KANK1: variants seen among roughly 807,000 people sequenced by gnomAD.
The protein encoded by KANK1 is KN motif and ankyrin repeat domains 1.
A neutral mutation model predicts 106.2 loss-of-function variants in KANK1; 109 were observed. The observed-to-expected ratio is 1.03, with a 90% CI of 0.88 to 1.20. The LOEUF is 1.20. Ranked by LOEUF, KANK1 falls within the 50% of genes most tolerant of loss-of-function variation. The pLI is 0.00. For missense variants in KANK1, 2,399 were observed against 1,710.7 expected (o/e 1.40, Z -7.10); for synonymous variants, 873 against 652.2 (o/e 1.34, Z -5.16).
chr9:567,579 A>C lies in KANK1; in HGVS notation c.-84+62825A>C, dbSNP rs114689128. ...GCAGTTTCACTTCCCTCTTCTAAGT[A>C]CCTTCTGCATTGATTGGAGCCAGCA... On this transcript the variant is annotated intron_variant, in intron 1 of 11. Coordinates refer to ENST00000382297, the MANE Select transcript of KANK1 (RefSeq NM_015158.5). 6.7e-3 allele frequency among the ~76,000 whole-genome samples: 1,014 copies of C among 152,288 alleles called. 12 individuals carry two copies. Among genetic ancestry groups the C allele is most frequent in the African/African-American group, 0.023 (969 of 41,554 alleles).
chr9:576,723 TATTTC>T (rs2135105506), intron 1 of KANK1, among the ~76,000 whole-genome samples: 1 of 152,262 alleles, frequency 6.6e-6, no homozygotes, highest in Non-Finnish European at 1.5e-5. Context: ...ACAGTAATTT[TATTTC>T]AGGTTTGTGG....
intron 1 of KANK1, among the ~76,000 whole-genome samples, chr9:642,142 TA>T (rs1484343208): frequency 6.6e-6 from 1 of 152,198 alleles, no homozygotes; most frequent in African/African-American, 2.4e-5. Flanking sequence ...CTGTGCGGAT[TA>T]AACCAGCTTA....
At chr9:660,391 C>A in intron 1 of KANK1, 1 of 164,762 alleles carries the variant, frequency 6.1e-6, no homozygotes, top group East Asian at 1.7e-4. Flanking sequence ...CCTTTCTGTC[C>A]CTTGTCACAA....
intron 1 of KANK1, chr9:540,696 C>T (rs1177169663): frequency 6.6e-6 from 1 of 152,188 alleles, no homozygotes; most frequent in Non-Finnish European, 1.5e-5. Context: ...AATCTCCTTA[C>T]TTACTATTGG....
chr9:540,516 C>A (rs533545804), intron 1 of KANK1: 1 of 152,292 alleles, frequency 6.6e-6, no homozygotes, highest in South Asian at 2.1e-4. Flanking sequence ...AGTGTCCTTG[C>A]TGGCCTTGCA....
intron 1 of KANK1, among the ~76,000 whole-genome samples, chr9:531,857 TTG>T (rs1490542257): frequency 6.6e-6 from 1 of 152,030 alleles, no homozygotes; most frequent in Non-Finnish European, 1.5e-5. Context: ...TGTGTGTGTG[TTG>T]TGTGTGTGTG....
At chr9:645,925 G>A (rs1839573873) in intron 1 of KANK1, among the ~76,000 whole-genome samples, 1 of 150,920 alleles carries the variant, frequency 6.6e-6, no homozygotes, top group Admixed American at 6.6e-5. Flanking sequence ...TCATGATTTA[G>A]CCACAAAATT....
At chr9:557,710 A>G (rs1052789899) in intron 1 of KANK1, among the ~76,000 whole-genome samples, 8 of 152,210 alleles carry the variant, frequency 5.3e-5, no homozygotes, top group African/African-American at 1.7e-4. Flanking sequence ...CTGAGGCCCC[A>G]AGAACTAAGG....
chr9:508,966 C>T (rs909062430), intron 1 of KANK1, among the ~76,000 whole-genome samples: 5 of 152,154 alleles, frequency 3.3e-5, no homozygotes, highest in African/African-American at 1.2e-4. Context: ...TTTAGAGGTA[C>T]AGTCATGCGG....
intron 1 of KANK1, among the ~76,000 whole-genome samples, chr9:595,182 G>A (rs1053662284): frequency 6.6e-6 from 1 of 151,866 alleles, no homozygotes; most frequent in African/African-American, 2.4e-5. Context: ...AGGAAGCTAA[G>A]GCCAGCAGAT....
chr9:742,166 A>T (rs1835764511), intron 9 of KANK1, 39 bp from the exon 10 acceptor site: 1 of 1,573,494 alleles, frequency 6.4e-7, no homozygotes, highest in Non-Finnish European at 8.7e-7. Context: ...CTGCCAGCTC[A>T]GTACGTACTT....
chr9:656,226 G>A (rs1842111585), intron 1 of KANK1, among the ~76,000 whole-genome samples: 1 of 152,094 alleles, frequency 6.6e-6, no homozygotes, highest in African/African-American at 2.4e-5. Context: ...TTCCCAGCGT[G>A]GTGGAGTTGA....
chr9:731,819 C>G (rs1269251990), intron 5 of KANK1: 1 of 154,416 alleles, frequency 6.5e-6, no homozygotes, highest in Non-Finnish European at 1.4e-5. Flanking sequence ...TGTTGTCCTA[C>G]AATTGAATCA....
chr9:728,181 C>T (rs1190703939), intron 3 of KANK1, among the ~76,000 whole-genome samples: 7 of 152,026 alleles, frequency 4.6e-5, no homozygotes, highest in Non-Finnish European at 7.4e-5. Flanking sequence ...TGTATTTTGT[C>T]TTTTTTTGTT....
intron 2 of KANK1, among the ~76,000 whole-genome samples, chr9:679,308 ATGTG>A (rs925162689): frequency 6.6e-5 from 10 of 152,186 alleles, no homozygotes; most frequent in Admixed American, 2.0e-4. Context: ...ACATACATAT[ATGTG>A]TGTATGTGTC....
chr9:734,797 A>G lies in KANK1; in HGVS notation c.3295A>G (p.Thr1099Ala). 3 of 1,613,882 alleles carry G rather than the reference A, an allele frequency of 1.9e-6. No individual in the cohort carries two copies. The highest frequency in any genetic ancestry group is 1.7e-5 in the Admixed American group (1 of 60,028). Residue 1099 changes from threonine to alanine, a missense_variant, in exon 7 of 12, where the codon ACT becomes GCT. Coordinates refer to ENST00000382297, the MANE Select transcript of KANK1 (RefSeq NM_015158.5). ...MLSACNLLKN[T>A]INDPKALTSK... ...GTCTGCATGCAACTTACTGAAAAAT[A>G]CTATAAATGACCCCAAAGCTTTGAC...
chr9:493,057 C>T (rs935223523), intron 3 of KANK1, among the ~76,000 whole-genome samples: 3 of 151,386 alleles, frequency 2.0e-5, no homozygotes, highest in African/African-American at 4.9e-5. Context: ...AAAAGAAAAC[C>T]AGCTGTGGCC....
chr9:592,537 A>G (rs1172262230), intron 1 of KANK1, among the ~76,000 whole-genome samples: 2 of 151,804 alleles, frequency 1.3e-5, no homozygotes, highest in Non-Finnish European at 2.9e-5. Flanking sequence ...TTTTTCATCC[A>G]TCGCTCAGCC....
intron 2 of KANK1, among the ~76,000 whole-genome samples, chr9:696,867 G>T (rs1490346132): frequency 6.6e-6 from 1 of 152,158 alleles, no homozygotes; most frequent in East Asian, 1.9e-4. Context: ...TTTGCAGTAT[G>T]AGTAACAGCA....
Sources: gnomAD v4.1 joint callset for allele counts (sites outside exome capture counted in the v4.1 genomes callset) on GRCh38, gnomAD v4.1.1 for gene constraint, MANE v1.5 for transcripts, NCBI Gene and HGNC (gene_info 2026-07-23, HGNC 2026-07-21) for gene names.